WNK1: variants seen among roughly 807,000 people sequenced by gnomAD.
WNK1 encodes the protein WNK lysine deficient protein kinase 1, also known as serine/threonine-protein kinase WNK1.
In WNK1, 38 loss-of-function variants were observed where a neutral mutation model predicts 222.8. That is an observed-to-expected ratio of 0.17 (90% confidence interval 0.13 to 0.22). The LOEUF is 0.22. WNK1 is among the 10% of genes least tolerant of loss of function. WNK1 has a pLI of 1.00. For synonymous variants in WNK1, 1,090 were observed against 1,092.9 expected (o/e 1.00, Z 0.05); for missense variants, 2,348 against 2,918.4 (o/e 0.80, Z 4.50).
At position 753,592 on chromosome 12, in the gene WNK1, G is replaced by C. The variant is rs1314045043; in HGVS notation, c.27G>C (p.Gln9His). ...TGTCTGGCGGCGCCGCAGAGAAGCA[G>C]AGCAGCACTCCCGGTTCCCTGTTCC... is the stretch of plus-strand genomic sequence containing the variant. MSGGAAEKQSSTPGSLFLS... is the reference protein window; with the variant it reads MSGGAAEKHSSTPGSLFLS... Residue 9 changes from glutamine (Q) to histidine (H), a missense_variant, in exon 1 of 28, where the codon CAG becomes CAC. Coordinates refer to ENST00000315939, the MANE Select transcript of WNK1 (RefSeq NM_018979.4). The surrounding 1 kb of genome is among the most constrained non-coding windows in gnomAD (Gnocchi z 5.2). 1 of 1,612,716 alleles carries C rather than the reference G, an allele frequency of 6.2e-7. No individual in the cohort carries two copies. Among genetic ancestry groups the C allele is most frequent in the Non-Finnish European group, 8.5e-7 (1 of 1,179,930 alleles).
At position 896,350 on chromosome 12, in the gene WNK1, G is replaced by T; in HGVS notation, c.5863G>T (p.Val1955Leu). The stretch of plus-strand genomic sequence containing the variant: ...TCAGGTGACAACTACAGCAAACAAA[G>T]TGGGTCGTTTCTCTGTATCAAAAAC... ...RFQVTTTANK[V>L]GRFSVSKTED... is the part of the protein sequence containing the mutation. The change falls in exon 24 of 28, where the codon GTG becomes TTG. Residue 1955 changes from valine to leucine, a missense_variant. This residue lies in a region of WNK1 where 1,144 missense variants were observed against 1,273.6 expected (regional missense o/e 0.90). Coordinates refer to ENST00000315939, the MANE Select transcript of WNK1 (RefSeq NM_018979.4). 6.2e-7 allele frequency: 1 copy of T among 1,614,180 alleles called. No homozygotes were observed. The highest frequency in any genetic ancestry group is 8.5e-7 in the Non-Finnish European group (1 of 1,180,030).
intron 4 of WNK1, 104 bp downstream of exon 4, chr12:830,264 T>C: frequency 7.6e-7 from 1 of 1,323,510 alleles, no homozygotes; most frequent in Non-Finnish European, 1.1e-6. Flanking sequence ...GTGGAAGGCA[T>C]ACTGAGTGAA....
intron 3 of WNK1, 180 bp from the exon 4 acceptor site, chr12:829,823 T>G (rs2154027798): frequency 1.9e-4 from 120 of 626,444 alleles, no homozygotes; most frequent in East Asian, 3.4e-4. Context: ...AGATCTTTTA[T>G]GAGATATTTG....
chr12:854,117 C>A (rs890966753), intron 4 of WNK1, among the ~76,000 whole-genome samples: 3 of 151,830 alleles, frequency 2.0e-5, no homozygotes, highest in Non-Finnish European at 4.4e-5. Context: ...CCAGTAATCC[C>A]AGCACTTTGG....
At chr12:907,602 G>A in intron 26 of WNK1, 1 of 558,778 alleles carries the variant, frequency 1.8e-6, no homozygotes. Context: ...CCCTGCCTGT[G>A]TACCTACCGT....
chr12:838,455 C>T (rs1949370338), intron 4 of WNK1, among the ~76,000 whole-genome samples: 1 of 152,116 alleles, frequency 6.6e-6, no homozygotes, highest in South Asian at 2.1e-4. Flanking sequence ...CACTCTGTCA[C>T]CCAGACTGGA....
At chr12:896,780 C>T (rs1954763977) in intron 24 of WNK1, 48 bp downstream of exon 24, 1 of 1,589,048 alleles carries the variant, frequency 6.3e-7, no homozygotes, top group South Asian at 1.1e-5. Flanking sequence ...GGTTTTCAGA[C>T]CTAGATCCCA....
At position 760,429 on chromosome 12, in the gene WNK1, A is replaced by T. The variant is rs1254769688; in HGVS notation, c.759+6105A>T. 6.8e-5 allele frequency among the ~76,000 whole-genome samples: 10 copies of T among 147,682 alleles called. 3 individuals are homozygous for T. Among genetic ancestry groups the T allele is most frequent in the Non-Finnish European group, 4.5e-5 (3 of 66,118 alleles). On this transcript the variant is annotated intron_variant, in intron 1 of 27. Coordinates refer to ENST00000315939, the MANE Select transcript of WNK1 (RefSeq NM_018979.4). Reference sequence around the variant, plus strand: ...CTTTGAGTAAGGAACTTAATCTATAATGCTCATTTATTAGCAATATGTCTT... The same window carrying T: ...CTTTGAGTAAGGAACTTAATCTATATTGCTCATTTATTAGCAATATGTCTT...
At chr12:768,423 A>G (rs1244966586) in intron 1 of WNK1, among the ~76,000 whole-genome samples, 1 of 152,170 alleles carries the variant, frequency 6.6e-6, no homozygotes, top group Non-Finnish European at 1.5e-5. Flanking sequence ...GGCGTGAGCT[A>G]CCATGCCCGG....
chr12:864,623 G>T (rs1001591047), intron 8 of WNK1, among the ~76,000 whole-genome samples: 19 of 152,216 alleles, frequency 1.2e-4, no homozygotes, highest in African/African-American at 4.3e-4. Flanking sequence ...TTCTAAAATA[G>T]AAATGAGAAT....
At position 753,580 on chromosome 12, in the gene WNK1, C is replaced by T. The variant is rs1939508806; in HGVS notation, c.15C>T (p.Ala5=). 4 of 1,612,596 alleles carry T rather than the reference C, an allele frequency of 2.5e-6. No homozygotes were observed. Among genetic ancestry groups the T allele is most frequent in the Middle Eastern group, 1.7e-4 (1 of 5,954 alleles). MSGG[A]AEKQSSTPGS... is the part of the protein sequence containing the mutation. The stretch of plus-strand genomic sequence containing the variant: ...GCGAACCGACCATGTCTGGCGGCGC[C>T]GCAGAGAAGCAGAGCAGCACTCCCG... Residue 5 remains alanine, a synonymous_variant, in exon 1 of 28, where the codon GCC becomes GCT. Transcript: ENST00000315939. The surrounding 1 kb of genome is among the most constrained non-coding windows in gnomAD (Gnocchi z 5.2).
rs764368160 is a variant in WNK1, at chr12:861,203, A to T, written c.1811A>T (p.Lys604Met). Residue 604 changes from lysine (K) to methionine (M), a missense_variant, in exon 7 of 28, where the codon AAG becomes ATG. Lys to Met is a moderately conservative substitution (Grantham distance 95). Coordinates refer to ENST00000315939, the MANE Select transcript of WNK1 (RefSeq NM_018979.4). ...EQSSASQTGI[K>M]QLPSASTGIP... is the part of the protein sequence containing the mutation. ...TCCAGTGCTTCCCAGACAGGAATCA[A>T]GCAGCTCCCTTCTGCTAGCACCGGC... 1.1e-5 allele frequency: 17 copies of T among 1,614,114 alleles called. No homozygotes were observed. The East Asian group carries it at 3.8e-4, about 36-fold the overall frequency.
intron 1 of WNK1, among the ~76,000 whole-genome samples, chr12:773,053 G>A (rs1942717888): frequency 6.6e-6 from 1 of 152,168 alleles, no homozygotes; most frequent in Non-Finnish European, 1.5e-5. Context: ...GAGGTCAGGA[G>A]TTCGAGACCA....
At chr12:828,740 G>A (rs571441589) in intron 3 of WNK1, among the ~76,000 whole-genome samples, 4 of 152,116 alleles carry the variant, frequency 2.6e-5, no homozygotes, top group Admixed American at 1.3e-4. Flanking sequence ...ATAATTTAAT[G>A]CCTATTTTGA....
rs55726687 is a variant in WNK1, at chr12:882,140, G to A, written c.3372+67G>A. The A allele has an allele frequency of 0.2, 292,920 of 1,490,146 alleles. 30,724 individuals are homozygous for A. Among genetic ancestry groups the A allele is most frequent in the Admixed American group, 0.26 (13,055 of 51,018 alleles). 92.3% of individuals were successfully genotyped at this position (1,490,146 alleles called of 1,614,324 possible). A position where few individuals can be genotyped will look rare whatever the true frequency, so the allele number is the denominator to read the frequency against. On this transcript the variant is annotated intron_variant, in intron 14 of 27. Coordinates refer to ENST00000315939, the MANE Select transcript of WNK1 (RefSeq NM_018979.4). ...TTTGACACTGAAAAAGATTTTAGAGGTCATCAAATCCAAACCACTCACTTC... is the reference window on the plus strand; with the variant it reads ...TTTGACACTGAAAAAGATTTTAGAGATCATCAAATCCAAACCACTCACTTC...
intron 3 of WNK1, among the ~76,000 whole-genome samples, chr12:828,494 A>G (rs981625314): frequency 6.6e-6 from 1 of 152,044 alleles, no homozygotes; most frequent in Non-Finnish European, 1.5e-5. Context: ...CTTTGTTGCA[A>G]GGGGCTGTCT....
At chr12:791,289 T>G (rs1944810827) in intron 1 of WNK1, among the ~76,000 whole-genome samples, 1 of 150,858 alleles carries the variant, frequency 6.6e-6, no homozygotes, top group Non-Finnish European at 1.5e-5. Context: ...AATAAAGGAC[T>G]TCCTTATAAC....
chr12:802,303 T>C (rs1945958539), intron 1 of WNK1, among the ~76,000 whole-genome samples: 1 of 152,222 alleles, frequency 6.6e-6, no homozygotes, highest in Non-Finnish European at 1.5e-5. Context: ...TTATAGCTGG[T>C]TATTAGTTTT....
chr12:804,922 T>TG (rs1161598580), intron 1 of WNK1, among the ~76,000 whole-genome samples: 13 of 111,640 alleles, frequency 1.2e-4, no homozygotes, highest in South Asian at 2.9e-4. Context: ...ATATATATAA[T>TG]TAATATTTTA....
Sources: allele counts gnomAD v4.1 joint callset (sites outside exome capture counted in the v4.1 genomes callset), GRCh38; gene constraint gnomAD v4.1.1; regional missense constraint gnomAD v4.1.1; non-coding constraint Gnocchi (gnomAD v3.1); transcripts MANE v1.5; gene names NCBI Gene and HGNC (gene_info 2026-07-23, HGNC 2026-07-21).